The following FLT1 variants were observed in gnomAD, a reference collection of about 807,000 sequenced individuals.
The protein encoded by FLT1 is fms related receptor tyrosine kinase 1.
A neutral mutation model predicts 156.3 loss-of-function variants in FLT1; 49 were observed. The observed-to-expected ratio is 0.31, with a 90% confidence interval of 0.25 to 0.40. The LOEUF is 0.40. FLT1 is among the 10% of genes least tolerant of loss of function. FLT1 has a pLI of 1.00. For missense variants in FLT1, 1,322 were observed against 1,637.2 expected, an observed-to-expected ratio of 0.81 and a Z score of 3.32; for synonymous variants, 594 against 583.8, an observed-to-expected ratio of 1.02 and a Z score of -0.25.
intron 3 of FLT1, among the ~76,000 whole-genome samples, chr13:28,460,909 C>A (rs1057279779): frequency 2.0e-5 from 3 of 151,674 alleles, no homozygotes; most frequent in East Asian, 3.9e-4. Flanking sequence ...TTTTACTAAA[C>A]AACACTTACC....
chr13:28,367,172 C>T (rs1873330827), intron 14 of FLT1, among the ~76,000 whole-genome samples: 1 of 152,148 alleles, frequency 6.6e-6, no homozygotes, highest in Admixed American at 6.5e-5. Flanking sequence ...TTATAAAATT[C>T]TGTCAGTTAA....
At chr13:28,437,193 C>T (rs1394819927) in intron 4 of FLT1, among the ~76,000 whole-genome samples, 1 of 152,156 alleles carries the variant, frequency 6.6e-6, no homozygotes, top group Non-Finnish European at 1.5e-5. Context: ...CTTTCTATTT[C>T]CTGGCGATGG....
chr13:28,354,290 C>T (rs1872824768), intron 15 of FLT1, among the ~76,000 whole-genome samples: 1 of 152,184 alleles, frequency 6.6e-6, no homozygotes, highest in South Asian at 2.1e-4. Flanking sequence ...ACATGCAGGC[C>T]TTTCTAAGGT....
In FLT1 at chr13:28,311,518, TCTTTCGTCTTTCTTTCC is replaced by T. The variant is rs373666582; in HGVS notation, c.3635+55_3635+71del. 377 of 1,274,658 alleles carry T rather than the reference TCTTTCGTCTTTCTTTCC, an allele frequency of 3.0e-4. 1 individual carries two copies. The highest frequency in any genetic ancestry group is 2.0e-3 in the African/African-American group (134 of 67,216). 79.0% of individuals were successfully genotyped at this position (1,274,658 alleles called of 1,614,324 possible). ...TCTTTCTCTCTTTCGTCTTTCTTTC[TCTTTCGTCTTTCTTTCC>T]TTCTTTTTTTTGTTGGAAAATTCTG... On this transcript the variant is annotated intron_variant, in intron 27 of 29. Transcript: ENST00000282397.
chr13:28,413,883 A>G (rs1402520880), intron 10 of FLT1, among the ~76,000 whole-genome samples: 1 of 152,222 alleles, frequency 6.6e-6, no homozygotes, highest in Non-Finnish European at 1.5e-5. Context: ...TGGTTTTATA[A>G]CATCCTAGTT....
chr13:28,489,451 A>C (rs1461661777), intron 1 of FLT1, among the ~76,000 whole-genome samples: 2 of 152,150 alleles, frequency 1.3e-5, no homozygotes, highest in African/African-American at 4.8e-5. Flanking sequence ...CAGACACATA[A>C]AATCCTGACA....
Position 28,433,922 on chromosome 13 carries a change from G to C in FLT1, c.710C>G (p.Pro237Arg). Residue 237 changes from proline to arginine, a missense_variant, in exon 6 of 30, where the codon CCA becomes CGA. By Grantham distance (103) the Pro-to-Arg change is moderately radical. Transcript: ENST00000282397. ...GCCTCTAAGTAATTTGACTGGGCGT[G>C]GTGTGCTTATTTGGACATCTATGAT... is the stretch of plus-strand genomic sequence containing the variant. Reference protein sequence around the residue: ...NTIIDVQISTPRPVKLLRGHT... With the variant: ...NTIIDVQISTRRPVKLLRGHT... 1 of 1,613,964 alleles carries C rather than the reference G, an allele frequency of 6.2e-7. No individual in the cohort carries two copies. The highest frequency in any genetic ancestry group is 8.5e-7 in the Non-Finnish European group (1 of 1,179,924).
In FLT1 at chr13:28,439,477, C is replaced by A. The variant is rs1167270260; in HGVS notation, c.389-1132G>T. Among the ~76,000 whole-genome samples, 1 of 152,218 alleles carries A rather than the reference C, an allele frequency of 6.6e-6. No homozygotes were observed. The highest frequency in any genetic ancestry group is 1.5e-5 in the Non-Finnish European group (1 of 68,030). On this transcript the variant is annotated intron_variant, in intron 3 of 29. Transcript: ENST00000282397. This position sits in a 1 kb window ranked among gnomAD's most constrained non-coding sequence, Gnocchi z 4.1. ...AGTAAGCAGGCAATGGTTGCCCAGA[C>A]TAGATGGTGGCTACAGTGATCATTA...
At chr13:28,402,746 ATTATG>A (rs1438346812) in intron 11 of FLT1, among the ~76,000 whole-genome samples, 1 of 152,084 alleles carries the variant, frequency 6.6e-6, no homozygotes, top group East Asian at 1.9e-4. Flanking sequence ...GGGCTTTCTC[ATTATG>A]TTATGTTATG....
chr13:28,417,836 C>T (rs529362530), intron 10 of FLT1, among the ~76,000 whole-genome samples: 11 of 151,804 alleles, frequency 7.2e-5, no homozygotes, highest in Non-Finnish European at 1.6e-4. Flanking sequence ...CAAGGCATGC[C>T]GAGGCTGAAA....
intron 24 of FLT1, among the ~76,000 whole-genome samples, chr13:28,318,043 C>T (rs553596279): frequency 3.5e-4 from 53 of 152,180 alleles, no homozygotes; most frequent in African/African-American, 9.6e-4. Flanking sequence ...ACTGCAGCCT[C>T]GAACTCCTGG....
At chr13:28,423,982 C>T (rs1227156949) in intron 10 of FLT1, among the ~76,000 whole-genome samples, 1 of 151,894 alleles carries the variant, frequency 6.6e-6, no homozygotes, top group African/African-American at 2.4e-5. Context: ...CGGAGTTTCG[C>T]TCTTGTTGCC....
chr13:28,401,478 G>A (rs560453081), intron 11 of FLT1, among the ~76,000 whole-genome samples: 6 of 152,018 alleles, frequency 3.9e-5, no homozygotes, highest in South Asian at 2.1e-4. Flanking sequence ...TTAGTAATTC[G>A]TTACTACAAT....
intron 3 of FLT1, among the ~76,000 whole-genome samples, chr13:28,464,105 A>G (rs1879727931): frequency 1.3e-5 from 2 of 152,206 alleles, no homozygotes; most frequent in Admixed American, 1.3e-4. Flanking sequence ...ATTTAAAAAT[A>G]GTGGTCTCAT....
In FLT1 at chr13:28,495,040, C is replaced by T. The variant is rs1370305479; in HGVS notation, c.-197G>A. 1 of 483,302 alleles carries T rather than the reference C, an allele frequency of 2.1e-6. No individual in the cohort carries two copies. Among genetic ancestry groups the T allele is most frequent in the African/African-American group, 2.0e-5 (1 of 48,916 alleles). The allele number at this position is 483,302 out of a possible 1,614,324, so 29.9% of individuals were successfully genotyped here. On this transcript the variant is annotated 5_prime_UTR_variant, in exon 1 of 30. Transcript: ENST00000282397. This position sits in a 1 kb window ranked among gnomAD's most constrained non-coding sequence, Gnocchi z 4.1. ...CCCGCTGGCCGCTGCACCCGAGCCC[C>T]GGAGCCCGCTCCGAGCCGCCGCCGC...
intron 11 of FLT1, among the ~76,000 whole-genome samples, chr13:28,400,064 T>C (rs1327798108): frequency 6.6e-6 from 1 of 152,200 alleles, no homozygotes; most frequent in Non-Finnish European, 1.5e-5. Flanking sequence ...CTCAGGTGTG[T>C]CTGCCTCCGC....
At chr13:28,474,579 T>C (rs1880443914) in intron 1 of FLT1, among the ~76,000 whole-genome samples, 1 of 150,422 alleles carries the variant, frequency 6.6e-6, no homozygotes, top group Admixed American at 6.7e-5. Flanking sequence ...TGGCCACATA[T>C]TGTATGATTC....
intron 14 of FLT1, among the ~76,000 whole-genome samples, chr13:28,373,432 C>G (rs1873709867): frequency 6.6e-6 from 1 of 152,084 alleles, no homozygotes; most frequent in Non-Finnish European, 1.5e-5. Flanking sequence ...GACTAGTTAT[C>G]TGAGAGTATA....
intron 11 of FLT1, among the ~76,000 whole-genome samples, chr13:28,402,252 C>T (rs9513097): frequency 0.28 from 42,545 of 152,034 alleles, 6,283 homozygotes; most frequent in East Asian, 0.44. Flanking sequence ...TACCATGTGA[C>T]GGTGGATAAA....
Sources: gnomAD v4.1 joint callset for allele counts (sites outside exome capture counted in the v4.1 genomes callset) on GRCh38, gnomAD v4.1.1 for gene constraint, Gnocchi (gnomAD v3.1) non-coding constraint, MANE v1.5 for transcripts, NCBI Gene and HGNC (gene_info 2026-07-23, HGNC 2026-07-21) for gene names.